PLCG2: variants seen among roughly 807,000 people sequenced by gnomAD.
PLCG2 encodes 1-phosphatidylinositol 4,5-bisphosphate phosphodiesterase gamma-2.
A neutral mutation model predicts 175.6 loss-of-function variants in PLCG2; 69 were observed. The ratio of observed to expected loss-of-function variants is 0.39; its 90% confidence interval spans 0.32 to 0.48. PLCG2 has a LOEUF of 0.48. PLCG2 is among the 20% of genes least tolerant of loss of function. The probability of loss-of-function intolerance (pLI) is 0.91; values close to 1 mark genes in which losing one functional copy is unlikely to be tolerated. For missense variants in PLCG2, 1,798 were observed against 1,650.9 expected (o/e 1.09, Z -1.54); for synonymous variants, 827 against 624.0 (o/e 1.33, Z -4.85).
At chr16:81,830,679 T>G (rs80332679) in intron 2 of PLCG2, among the ~76,000 whole-genome samples, 1 of 150,726 alleles carries the variant, frequency 6.6e-6, no homozygotes, top group Non-Finnish European at 1.5e-5. Flanking sequence ...TATATATATA[T>G]ACACACATAT....
At chr16:81,832,359 CTCT>C (rs1489056826) in intron 2 of PLCG2, among the ~76,000 whole-genome samples, 7 of 152,174 alleles carry the variant, frequency 4.6e-5, no homozygotes, top group African/African-American at 1.7e-4. Context: ...CTAATGCATG[CTCT>C]TCTTTTCCTT....
At chr16:81,831,488 C>T (rs759880442) in intron 2 of PLCG2, among the ~76,000 whole-genome samples, 1 of 152,338 alleles carries the variant, frequency 6.6e-6, no homozygotes, top group East Asian at 1.9e-4. Flanking sequence ...ACGAAACTGG[C>T]CCTCTCTATT....
chr16:81,893,883 A>G, intron 12 of PLCG2, 89 bp downstream of exon 12: 2 of 811,808 alleles, frequency 2.5e-6, no homozygotes, highest in Middle Eastern at 2.2e-4. Context: ...GAATTGTAAA[A>G]AGGTTTTAAT....
intron 2 of PLCG2, among the ~76,000 whole-genome samples, chr16:81,790,221 G>A (rs1597320041): frequency 6.6e-6 from 1 of 152,194 alleles, no homozygotes; most frequent in African/African-American, 2.4e-5. Flanking sequence ...GTTTGCTGTT[G>A]TTGCTAACTA....
chr16:81,821,914 G>A (rs984782804), intron 2 of PLCG2, among the ~76,000 whole-genome samples: 4 of 151,576 alleles, frequency 2.6e-5, no homozygotes, highest in African/African-American at 9.7e-5. Flanking sequence ...GAGCCAGACA[G>A]GCCTGGGGTT....
intron 2 of PLCG2, among the ~76,000 whole-genome samples, chr16:81,851,293 C>A (rs1597354423): frequency 6.6e-6 from 1 of 152,176 alleles, no homozygotes. Flanking sequence ...TTATCAAAAC[C>A]TGGACATGGT....
At position 81,869,269 on chromosome 16, in the gene PLCG2, A is replaced by C; in HGVS notation, c.535A>C (p.Ser179Arg). The change falls in exon 6 of 33, where the codon AGT (serine) becomes CGT (arginine). Residue 179 changes from serine to arginine, a missense_variant. Ser to Arg is a moderately radical substitution (Grantham distance 110, BLOSUM62 -1). Transcript: ENST00000564138. ...ILPLINFKVS[S>R]AKFLKDKFVE... ...GCCCCTGATCAACTTTAAAGTGAGC[A>C]GTGCCAAGTTCCTTAAAGATAAGTT... is the stretch of plus-strand genomic sequence containing the variant. 6.2e-7 allele frequency: 1 copy of C among 1,613,718 alleles called. No individual in the cohort carries two copies. Among genetic ancestry groups the C allele is most frequent in the Non-Finnish European group, 8.5e-7 (1 of 1,179,582 alleles).
intron 2 of PLCG2, among the ~76,000 whole-genome samples, chr16:81,792,754 G>T (rs956234448): frequency 3.3e-5 from 5 of 152,034 alleles, no homozygotes; most frequent in Admixed American, 1.3e-4. Flanking sequence ...GAACAGCATG[G>T]AGGTAACCGG....
intron 9 of PLCG2, among the ~76,000 whole-genome samples, chr16:81,888,753 C>G (rs1908492495): frequency 6.6e-6 from 1 of 152,208 alleles, no homozygotes; most frequent in South Asian, 2.1e-4. Flanking sequence ...CTGCTTCATA[C>G]TAACAAACGT....
intron 2 of PLCG2, among the ~76,000 whole-genome samples, chr16:81,844,985 G>C (rs917153519): frequency 1.2e-4 from 18 of 152,218 alleles, no homozygotes; most frequent in African/African-American, 3.4e-4. Context: ...CTGGTGTGCA[G>C]AGTTGTGATT....
chr16:81,742,357 T>C (rs1301858192), intron 1 of PLCG2, among the ~76,000 whole-genome samples: 1 of 152,040 alleles, frequency 6.6e-6, no homozygotes, highest in Non-Finnish European at 1.5e-5. Flanking sequence ...GGGCTCCAGG[T>C]GCAGAGTTGA....
intron 17 of PLCG2, among the ~76,000 whole-genome samples, chr16:81,909,880 A>G (rs1243549063): frequency 6.6e-6 from 1 of 152,076 alleles, no homozygotes; most frequent in African/African-American, 2.4e-5. Flanking sequence ...CTGGGGTAGT[A>G]ATACAGTGTG....
At chr16:81,837,016 C>T (rs905575509) in intron 2 of PLCG2, among the ~76,000 whole-genome samples, 20 of 152,200 alleles carry the variant, frequency 1.3e-4, no homozygotes, top group Admixed American at 1.3e-3. Flanking sequence ...TGAGGACCAG[C>T]GTTCTCCATG....
intron 1 of PLCG2, among the ~76,000 whole-genome samples, chr16:81,746,413 T>C (rs1176041388): frequency 3.9e-5 from 6 of 152,000 alleles, no homozygotes; most frequent in African/African-American, 1.5e-4. Context: ...TTCTGGGAAA[T>C]GTAGTCGAAA....
intron 5 of PLCG2, among the ~76,000 whole-genome samples, chr16:81,860,242 T>G (rs1460219217): frequency 6.6e-6 from 1 of 151,176 alleles, no homozygotes; most frequent in East Asian, 1.9e-4. Context: ...AACGCAGTTT[T>G]GGTTTTTCTT....
At position 81,861,651 on chromosome 16, in the gene PLCG2, C is replaced by G. The variant is rs114718283; in HGVS notation, c.479+2488C>G. ...TTGGTACACACTGGTCTCTTTCAGC[C>G]TCGGAGGTGATGCCTCTTCTGACTT... On this transcript the variant is annotated intron_variant, in intron 5 of 32. Coordinates refer to ENST00000564138, the MANE Select transcript of PLCG2 (RefSeq NM_002661.5). 5.1e-3 allele frequency among the ~76,000 whole-genome samples: 782 copies of G among 152,254 alleles called. 8 individuals carry two copies. The highest frequency in any genetic ancestry group is 0.018 in the African/African-American group (747 of 41,538).
intron 15 of PLCG2, chr16:81,906,158 T>C (rs981255378): frequency 6.6e-6 from 1 of 152,106 alleles, no homozygotes; most frequent in African/African-American, 2.4e-5. Context: ...TAATAACTAG[T>C]TTATAGATGG....
chr16:81,886,760 C>G (rs1024514838), intron 9 of PLCG2, among the ~76,000 whole-genome samples: 2 of 152,190 alleles, frequency 1.3e-5, no homozygotes, highest in African/African-American at 2.4e-5. Flanking sequence ...GGAGAATAAC[C>G]TGTACCTCCT....
At chr16:81,824,690 C>G (rs1904968302) in intron 2 of PLCG2, among the ~76,000 whole-genome samples, 1 of 152,224 alleles carries the variant, frequency 6.6e-6, no homozygotes. Context: ...CTGGGATCCT[C>G]TCGTAGCTGC....
Sources: allele counts gnomAD v4.1 joint callset (sites outside exome capture counted in the v4.1 genomes callset), GRCh38; gene constraint gnomAD v4.1.1; transcripts MANE v1.5; gene names NCBI Gene and HGNC (gene_info 2026-07-23, HGNC 2026-07-21).